The following RPL4 variants were observed in gnomAD, a reference collection of about 807,000 sequenced individuals.
RPL4 encodes the protein ribosomal protein L4, also known as large ribosomal subunit protein uL4.
RPL4 carries 3 observed loss-of-function variants against 47.7 expected under a neutral mutation model. The observed-to-expected ratio is 0.06, with a 90% confidence interval of 0.03 to 0.16. The LOEUF is 0.16. RPL4 is among the 10% of genes least tolerant of loss of function. The probability of loss-of-function intolerance (pLI) is 1.00; values close to 1 mark genes in which losing one functional copy is unlikely to be tolerated. For missense variants in RPL4, 413 were observed against 551.3 expected, an observed-to-expected ratio of 0.75 and a Z score of 2.51; for synonymous variants, 208 against 182.1, an observed-to-expected ratio of 1.14 and a Z score of -1.15.
At chr15:66,501,736 G>A (rs1370176318) in intron 5 of RPL4, 52 bp downstream of exon 5, 3 of 1,595,056 alleles carry the variant, frequency 1.9e-6, no homozygotes, top group South Asian at 1.1e-5. Flanking sequence ...AATTCAAAGT[G>A]ACAAACTGTG....
At position 66,504,830 on chromosome 15, in the gene RPL4, T is replaced by C. The variant is rs762447128; in HGVS notation, c.-40A>G. ...ACAGCCACGCTCCTCTCAGCCCGGCTGCTGCCACAGGAAAAGGAAGTGCTT... is the reference window on the plus strand; with the variant it reads ...ACAGCCACGCTCCTCTCAGCCCGGCCGCTGCCACAGGAAAAGGAAGTGCTT... On this transcript the variant is annotated 5_prime_UTR_variant, in exon 1 of 10. Coordinates refer to ENST00000307961, the MANE Select transcript of RPL4 (RefSeq NM_000968.4). 4 of 1,608,606 alleles carry C rather than the reference T, an allele frequency of 2.5e-6. No homozygotes were observed. The highest frequency in any genetic ancestry group is 2.2e-5 in the East Asian group (1 of 44,830).
chr15:66,499,958 G>A (rs989664905), intron 9 of RPL4, 98 bp downstream of exon 9: 6 of 1,433,254 alleles, frequency 4.2e-6, no homozygotes, highest in East Asian at 2.3e-5. Flanking sequence ...GGTAGGTGGA[G>A]GTTGCAGTGA....
At chr15:66,500,902 A>G (rs1211098651) in intron 7 of RPL4, 47 bp downstream of exon 7, 2 of 1,580,676 alleles carry the variant, frequency 1.3e-6, no homozygotes, top group Admixed American at 3.7e-5. Flanking sequence ...CTGAATGTTA[A>G]TATCCACAAT....
chr15:66,503,151 A>G lies in RPL4; in HGVS notation c.189T>C (p.Ser63=), dbSNP rs1048894188. The G allele has an allele frequency of 6.2e-7, 1 of 1,614,044 alleles. No homozygotes were observed. Among genetic ancestry groups the G allele is most frequent in the African/African-American group, 1.3e-5 (1 of 75,038 alleles). The change falls in exon 3 of 10, where the codon AGT becomes AGC. Residue 63 remains serine (S), a synonymous_variant. Coordinates refer to ENST00000307961, the MANE Select transcript of RPL4 (RefSeq NM_000968.4). ...AVSELAGHQT[S]AESWGTGRAV... ...CTCTGCCAGTACCCCAAGACTCAGC[A>G]CTAGTCTGATGACCTAAAATTGAGA...
chr15:66,499,693 T>G (rs376012925), intron 9 of RPL4, 41 bp from the exon 10 acceptor site: 2 of 1,608,784 alleles, frequency 1.2e-6, no homozygotes, highest in African/African-American at 2.7e-5. Flanking sequence ...ATCAAATCCC[T>G]GTAAGAACTT....
intron 5 of RPL4, 110 bp downstream of exon 5, chr15:66,501,678 T>C: frequency 2.0e-6 from 3 of 1,527,090 alleles, no homozygotes; most frequent in Non-Finnish European, 2.6e-6. Flanking sequence ...TCTGAGGTTC[T>C]TGTTCTCTCA....
intron 6 of RPL4, 54 bp downstream of exon 6, chr15:66,501,321 G>GCTA: frequency 6.2e-7 from 1 of 1,611,772 alleles, no homozygotes; most frequent in Non-Finnish European, 8.5e-7. Context: ...CATAACAAAA[G>GCTA]CTGAGTAGAC....
chr15:66,502,951 G>A, intron 3 of RPL4, 107 bp downstream of exon 3: 2 of 1,337,700 alleles, frequency 1.5e-6, no homozygotes, highest in Admixed American at 1.8e-5. Context: ...TTCTCTTCAA[G>A]ACAAAAAAAA....
At chr15:66,500,818 G>A (rs1893595429) in intron 7 of RPL4, 131 bp downstream of exon 7, 1 of 1,075,340 alleles carries the variant, frequency 9.3e-7, no homozygotes, top group East Asian at 2.5e-5. Flanking sequence ...TAGACCAGGT[G>A]AGTCTCATTT....
chr15:66,499,403 G>C lies in RPL4; in HGVS notation c.*4C>G. 2 of 1,595,234 alleles carry C rather than the reference G, an allele frequency of 1.3e-6. No homozygotes were observed. Among genetic ancestry groups the C allele is most frequent in the Non-Finnish European group, 1.7e-6 (2 of 1,175,726 alleles). Reference sequence around the variant, plus strand: ...ACCTTTATGGAATAATCAAATTTAAGAGTTTATGCAGCAGGCTTCTTCTCC... The same window carrying C: ...ACCTTTATGGAATAATCAAATTTAACAGTTTATGCAGCAGGCTTCTTCTCC... On this transcript the variant is annotated 3_prime_UTR_variant, in exon 10 of 10. Transcript: ENST00000307961.
chr15:66,499,987 C>T (rs1893576552), intron 9 of RPL4, 69 bp downstream of exon 9: 7 of 1,583,598 alleles, frequency 4.4e-6, no homozygotes, highest in Non-Finnish European at 6.0e-6. Flanking sequence ...CACGCCATTG[C>T]ACTCCAGCCT....
chr15:66,500,548 C>T, intron 7 of RPL4, 172 bp from the exon 8 acceptor site: 1 of 635,656 alleles, frequency 1.6e-6, no homozygotes, highest in Non-Finnish European at 2.7e-6. Flanking sequence ...AATCCCAGCA[C>T]TTGGGGAGGC....
chr15:66,499,225 C>A lies in RPL4; in HGVS notation c.*182G>T, dbSNP rs75457850. On this transcript the variant is annotated 3_prime_UTR_variant, in exon 10 of 10. Transcript: ENST00000307961. ...GTATAAATCCATGCCCCATTTTATA[C>A]CACACTATATAAAATGTAACAGTCT... 12,998 of 673,198 alleles carry A rather than the reference C, an allele frequency of 0.019. 1,255 individuals are homozygous for A. In the African/African-American group the frequency reaches 0.21, roughly 11 times the overall value. 41.7% of individuals were successfully genotyped at this position (673,198 alleles called of 1,614,324 possible). A position where few individuals can be genotyped will look rare whatever the true frequency, so the allele number is the denominator to read the frequency against.
At position 66,499,010 on chromosome 15, in the gene RPL4, G is replaced by A. The variant is rs62011880; in HGVS notation, c.*397C>T. ...AGTACCAAAAAAATTGTGCTCTCCA[G>A]TTGTGCCCTCTTGTGGTTAAAGTTA... On this transcript the variant is annotated 3_prime_UTR_variant, in exon 10 of 10. Coordinates refer to ENST00000307961, the MANE Select transcript of RPL4 (RefSeq NM_000968.4). 0.056 allele frequency: 9,916 copies of A among 178,656 alleles called. 397 individuals carry two copies. The highest frequency in any genetic ancestry group is 0.099 in the Middle Eastern group (35 of 354). 11.1% of individuals were successfully genotyped at this position (178,656 alleles called of 1,614,324 possible).
Position 66,499,616 on chromosome 15 carries a change from C to G in RPL4, c.1075G>C (p.Ala359Pro), listed in dbSNP as rs1893564369. The change falls in exon 10 of 10, where the codon GCG becomes CCG. Residue 359 changes from alanine (A) to proline (P), a missense_variant. Physicochemically the swap from Ala to Pro is conservative, Grantham distance 27 (BLOSUM62 -1). Around this residue, in one of 4 missense-constraint regions of RPL4, gnomAD observed 134 missense variants for 122.7 expected, o/e 1.09. Transcript: ENST00000307961. ...LRVDKAAAAAAALQAKSDEKA... is the reference protein window; with the variant it reads ...LRVDKAAAAAPALQAKSDEKA... ...TCATCTGATTTGGCTTGTAGTGCCG[C>G]TGCTGCAGCAGCTGCCTTATCCACC... 6.2e-7 allele frequency: 1 copy of G among 1,613,886 alleles called. No individual in the cohort carries two copies. Among genetic ancestry groups the G allele is most frequent in the African/African-American group, 1.3e-5 (1 of 74,932 alleles).
At chr15:66,503,666 T>C (rs1175466806) in intron 1 of RPL4, 137 bp from the exon 2 acceptor site, 3 of 760,526 alleles carry the variant, frequency 3.9e-6, no homozygotes, top group African/African-American at 1.8e-5. Context: ...TAAACCAAAA[T>C]AGCAGTAAAT....
In RPL4 at chr15:66,501,177, A is replaced by C. The variant is rs1893604341; in HGVS notation, c.677-72T>G. 3.8e-6 allele frequency: 6 copies of C among 1,581,466 alleles called. No homozygotes were observed. In the South Asian group the frequency reaches 4.5e-5, roughly 12 times the overall value. ...AAACACAAATCATCTTTATGGCTTA[A>C]GAGCTATAAAAGGTACCTGAGAACT... On this transcript the variant is annotated intron_variant, in intron 6 of 9. Coordinates refer to ENST00000307961, the MANE Select transcript of RPL4 (RefSeq NM_000968.4).
Position 66,501,397 on chromosome 15 carries a change from G to T in RPL4, c.654C>A (p.Ile218=). 1 of 1,614,116 alleles carries T rather than the reference G, an allele frequency of 6.2e-7. No homozygotes were observed. The highest frequency in any genetic ancestry group is 1.1e-5 in the South Asian group (1 of 91,074). ...CIIYNEDNGI[I]KAFRNIPGIT... ...TACCAGGGATGTTTCTGAAGGCCTT[G>T]ATGATACCATTATCCTCATTATAGA... Residue 218 remains isoleucine (I), a synonymous_variant, in exon 6 of 10, where the codon ATC becomes ATA. Coordinates refer to ENST00000307961, the MANE Select transcript of RPL4 (RefSeq NM_000968.4).
intron 1 of RPL4, among the ~76,000 whole-genome samples, chr15:66,504,412 G>T (rs549145633): frequency 3.3e-5 from 5 of 152,268 alleles, no homozygotes; most frequent in African/African-American, 1.2e-4. Flanking sequence ...CAAAGATTTT[G>T]ATAACACCGA....
Sources: gnomAD v4.1 joint callset for allele counts (sites outside exome capture counted in the v4.1 genomes callset) on GRCh38, gnomAD v4.1.1 for gene constraint, gnomAD v4.1.1 regional missense constraint, MANE v1.5 for transcripts, NCBI Gene and HGNC (gene_info 2026-07-23, HGNC 2026-07-21) for gene names.